GRID2: variants seen among roughly 807,000 people sequenced by gnomAD.
GRID2 encodes glutamate ionotropic receptor delta type subunit 2.
Under a neutral mutation model 114.8 loss-of-function variants are expected in GRID2, and 33 were observed. The ratio of observed to expected loss-of-function variants is 0.29; its 90% CI spans 0.22 to 0.38. The LOEUF (loss-of-function observed/expected upper bound fraction) is 0.38, where lower values mean the gene tolerates loss of function less well. GRID2 is among the 10% of genes least tolerant of loss of function. GRID2 has a pLI of 1.00. For missense variants in GRID2, 1,184 were observed against 1,257.7 expected (o/e 0.94, Z 0.89); for synonymous variants, 505 against 449.9 (o/e 1.12, Z -1.55).
intron 2 of GRID2, among the ~76,000 whole-genome samples, chr4:92,825,882 A>C (rs1741664035): frequency 6.6e-6 from 1 of 152,154 alleles, no homozygotes; most frequent in African/African-American, 2.4e-5. Context: ...AGCCCATGTT[A>C]GGAGAAATAT....
intron 14 of GRID2, among the ~76,000 whole-genome samples, chr4:93,718,434 C>CG (rs1729090598): frequency 6.6e-6 from 1 of 151,996 alleles, no homozygotes; most frequent in Non-Finnish European, 1.5e-5. Context: ...GTTCCAATGA[C>CG]GTAATGGTCA....
chr4:93,418,442 G>A (rs770313134), intron 9 of GRID2, among the ~76,000 whole-genome samples: 25 of 151,794 alleles, frequency 1.6e-4, no homozygotes, highest in Non-Finnish European at 2.9e-4. Context: ...TTTCAACTGC[G>A]TAACAACACT....
chr4:92,743,723 A>G (rs925876636), intron 2 of GRID2, among the ~76,000 whole-genome samples: 2 of 152,114 alleles, frequency 1.3e-5, no homozygotes, highest in Non-Finnish European at 2.9e-5. Flanking sequence ...ATAAGGTTGT[A>G]TGGGCCTCTT....
intron 2 of GRID2, among the ~76,000 whole-genome samples, chr4:93,030,539 C>A (rs1291834761): frequency 6.6e-6 from 1 of 152,046 alleles, no homozygotes; most frequent in Non-Finnish European, 1.5e-5. Flanking sequence ...CATGCACCAC[C>A]ACGCCCAGCT....
intron 2 of GRID2, among the ~76,000 whole-genome samples, chr4:93,078,655 T>C (rs1729558819): frequency 6.8e-6 from 1 of 147,218 alleles, no homozygotes; most frequent in Non-Finnish European, 1.5e-5. Context: ...ATAATTATAT[T>C]AGTAAATATC....
chr4:93,802,893 G>A lies in GRID2; in HGVS notation c.222-3822G>A, dbSNP rs1308601625. On this transcript the variant is annotated intron_variant, in intron 1 of 1. Transcript: ENST00000637838. Reference sequence around the variant, plus strand: ...TAAGACCCCCAAATTCTGACCCTGTGTCCTGTTTAAAAGTGTAATGCAGTT... The same window carrying A: ...TAAGACCCCCAAATTCTGACCCTGTATCCTGTTTAAAAGTGTAATGCAGTT... Among the ~76,000 whole-genome samples the A allele has an allele frequency of 3.3e-5, 5 of 152,324 alleles. No homozygotes were observed. In the East Asian group the frequency reaches 9.6e-4, roughly 29 times the overall value.
chr4:92,534,803 C>G (rs543572861), intron 1 of GRID2, among the ~76,000 whole-genome samples: 3 of 152,018 alleles, frequency 2.0e-5, no homozygotes, highest in Non-Finnish European at 4.4e-5. Context: ...TATTTTCCCA[C>G]CTTTATTAAA....
intron 3 of GRID2, among the ~76,000 whole-genome samples, chr4:93,096,500 T>C (rs1731241555): frequency 1.3e-5 from 2 of 152,068 alleles, no homozygotes; most frequent in Admixed American, 1.3e-4. Flanking sequence ...TTAAAAACTC[T>C]TAAAAAGCAC....
rs955247541 is a variant in GRID2, at chr4:92,935,941, G to C, written c.245-149054G>C. On this transcript the variant is annotated intron_variant, in intron 2 of 15. Coordinates refer to ENST00000282020, the MANE Select transcript of GRID2 (RefSeq NM_001510.4). ...AAGAGATATACCTAATGCTAAATGA[G>C]GAGTTAATGGGTGCAGCACACCAGC... 4.8e-4 allele frequency among the ~76,000 whole-genome samples: 70 copies of C among 145,494 alleles called. 2 individuals carry two copies. Among genetic ancestry groups the C allele is most frequent in the Non-Finnish European group, 7.7e-4 (51 of 65,968 alleles).
At chr4:93,730,893 G>C (rs964742416) in intron 14 of GRID2, among the ~76,000 whole-genome samples, 17 of 152,166 alleles carry the variant, frequency 1.1e-4, no homozygotes, top group African/African-American at 4.1e-4. Context: ...CATAAACTAT[G>C]GTCTGCCAGG....
At position 93,801,357 on chromosome 4, in the gene GRID2, T is replaced by C. The variant is rs77639498; in HGVS notation, c.222-5358T>C. ...GTTTTAAGGTGAATAAGTTTGTGTA[T>C]GTGTAAACAAACTGCACTGTTTTTT... On this transcript the variant is annotated intron_variant, in intron 1 of 1. Coordinates refer to the GRID2 transcript ENST00000637838. Among the ~76,000 whole-genome samples, 874 of 152,226 alleles carry C rather than the reference T, an allele frequency of 5.7e-3. 8 individuals carry two copies. The highest frequency in any genetic ancestry group is 0.019 in the African/African-American group (809 of 41,580).
At chr4:93,247,991 T>C (rs918033714) in intron 8 of GRID2, among the ~76,000 whole-genome samples, 3 of 152,038 alleles carry the variant, frequency 2.0e-5, no homozygotes, top group African/African-American at 7.2e-5. Context: ...CTGTGTCTGA[T>C]ACAGAGGAGG....
intron 1 of GRID2, among the ~76,000 whole-genome samples, chr4:92,397,958 C>T (rs1730587131): frequency 6.6e-6 from 1 of 152,036 alleles, no homozygotes. Context: ...TTTGTGTTCA[C>T]ACAGGTGCTT....
chr4:92,587,138 G>GTA (rs1728492165), intron 1 of GRID2, among the ~76,000 whole-genome samples: 2 of 143,804 alleles, frequency 1.4e-5, no homozygotes, highest in South Asian at 4.4e-4. Flanking sequence ...GTGTGTGTGT[G>GTA]TGTCAGTGGT....
In GRID2 at chr4:93,769,339, C is replaced by T; in HGVS notation, c.2490C>T (p.Ser830=). 1 of 1,614,090 alleles carries T rather than the reference C, an allele frequency of 6.2e-7. No individual in the cohort carries two copies. The highest frequency in any genetic ancestry group is 8.5e-7 in the Non-Finnish European group (1 of 1,179,980). Residue 830 remains serine, a synonymous_variant, in exon 15 of 16, where the codon AGC becomes AGT. Transcript: ENST00000282020. ...KQKGGALDIK[S]FAGVFCILAA... ...AAGGAGGCGCCCTGGACATAAAGAG[C>T]TTTGCAGGGGTCTTTTGTATCCTGG...
intron 1 of GRID2, among the ~76,000 whole-genome samples, chr4:92,313,862 A>G (rs990177014): frequency 1.3e-5 from 2 of 152,076 alleles, no homozygotes; most frequent in African/African-American, 4.8e-5. Flanking sequence ...ATTTAATAGA[A>G]TATGAGGAAT....
At chr4:93,436,872 A>G (rs10022753) in intron 10 of GRID2, among the ~76,000 whole-genome samples, 103,172 of 151,942 alleles carry the variant, frequency 0.68, 35,400 homozygotes, top group African/African-American at 0.77. Context: ...TAAATCCGAA[A>G]GCAAATATAT....
chr4:92,455,469 C>T (rs994913504), intron 1 of GRID2, among the ~76,000 whole-genome samples: 5 of 152,134 alleles, frequency 3.3e-5, no homozygotes, highest in Admixed American at 6.6e-5. Flanking sequence ...GAGGATATAA[C>T]GTGAACCTAG....
At chr4:92,799,284 G>T (rs1249415618) in intron 2 of GRID2, among the ~76,000 whole-genome samples, 1 of 151,894 alleles carries the variant, frequency 6.6e-6, no homozygotes, top group African/African-American at 2.4e-5. Flanking sequence ...CGGTGCTCCT[G>T]TGATAACCTA....
Sources: allele counts gnomAD v4.1 joint callset (sites outside exome capture counted in the v4.1 genomes callset), GRCh38; gene constraint gnomAD v4.1.1; transcripts MANE v1.5; gene names NCBI Gene and HGNC (gene_info 2026-07-23, HGNC 2026-07-21).